UBE2E1: variants seen among roughly 807,000 people sequenced by gnomAD.
The protein encoded by UBE2E1 is ubiquitin conjugating enzyme E2 E1, also known as ubiquitin-conjugating enzyme E2 E1.
A neutral mutation model predicts 21.4 loss-of-function variants in UBE2E1; 6 were observed. That is an observed-to-expected ratio of 0.28 (90% confidence interval 0.15 to 0.55). The LOEUF is 0.55. Among genes scored for constraint, UBE2E1 ranks in the 20% least tolerant of loss-of-function variants. The probability of loss-of-function intolerance (pLI) is 0.93; values close to 1 mark genes in which losing one functional copy is unlikely to be tolerated. For synonymous variants in UBE2E1, 87 were observed against 82.7 expected, an observed-to-expected ratio of 1.05 and a Z score of -0.28; for missense variants, 142 against 236.5, an observed-to-expected ratio of 0.60 and a Z score of 2.62.
At chr3:23,837,689 C>T (rs936642854) in intron 3 of UBE2E1, among the ~76,000 whole-genome samples, 1 of 152,154 alleles carries the variant, frequency 6.6e-6, no homozygotes, top group Non-Finnish European at 1.5e-5. Flanking sequence ...CTTTGGTTGG[C>T]TGATTGGTTT....
At chr3:23,813,658 C>T (rs1326371694) in intron 3 of UBE2E1, among the ~76,000 whole-genome samples, 1 of 152,100 alleles carries the variant, frequency 6.6e-6, no homozygotes, top group Non-Finnish European at 1.5e-5. Flanking sequence ...AAGCAATTCT[C>T]CTGCCTCCTG....
rs1257534619 is a variant in UBE2E1, at chr3:23,887,102, T to C, written c.204-465T>C. ...CATTATAAACCATCTATTAGATTCT[T>C]TTAAAGGTGAGATTATGGAGATAGA... On this transcript the variant is annotated intron_variant, in intron 3 of 5. Coordinates refer to ENST00000306627, the MANE Select transcript of UBE2E1 (RefSeq NM_003341.5). This position sits in a 1 kb window ranked among gnomAD's most constrained non-coding sequence, Gnocchi z 4.4. Among the ~76,000 whole-genome samples the C allele has an allele frequency of 2.0e-5, 3 of 152,186 alleles. No homozygotes were observed. Among genetic ancestry groups the C allele is most frequent in the Non-Finnish European group, 4.4e-5 (3 of 68,034 alleles).
Position 23,842,198 on chromosome 3 carries a change from G to GGGGGTGT in UBE2E1, c.203+30689_203+30690insGGGTGTG, listed in dbSNP as rs1553637704. On this transcript the variant is annotated intron_variant, in intron 3 of 5. Coordinates refer to ENST00000306627, the MANE Select transcript of UBE2E1 (RefSeq NM_003341.5). The surrounding 1 kb of genome is among the most constrained non-coding windows in gnomAD (Gnocchi z 4.6). ...TATGTCATGACCCAGTAAGTGAAGG[G>GGGGGTGT]GTGTGTGTGTGTGTGTGTGTGTGTG... is the stretch of plus-strand genomic sequence containing the variant. Among the ~76,000 whole-genome samples, 12 of 104,358 alleles carry GGGGGTGT rather than the reference G, an allele frequency of 1.1e-4. No individual in the cohort carries two copies. Among genetic ancestry groups the GGGGGTGT allele is most frequent in the African/African-American group, 4.0e-4 (11 of 27,702 alleles). 68.5% of individuals were successfully genotyped at this position (104,358 alleles called of 152,430 possible).
intron 3 of UBE2E1, among the ~76,000 whole-genome samples, chr3:23,817,689 A>G (rs1031789729): frequency 6.6e-6 from 1 of 152,108 alleles, no homozygotes; most frequent in Non-Finnish European, 1.5e-5. Flanking sequence ...GTGGGGAAGA[A>G]TAAGGGATAT....
At chr3:23,846,400 T>C (rs1700203878) in intron 3 of UBE2E1, among the ~76,000 whole-genome samples, 1 of 151,618 alleles carries the variant, frequency 6.6e-6, no homozygotes, top group Non-Finnish European at 1.5e-5. Flanking sequence ...CACAGTCTCT[T>C]AAAAAAGAGA....
chr3:23,844,631 T>C (rs1700159595), intron 3 of UBE2E1, among the ~76,000 whole-genome samples: 1 of 152,204 alleles, frequency 6.6e-6, no homozygotes, highest in Non-Finnish European at 1.5e-5. Context: ...TTCCCCAGAA[T>C]GGCTGTACTC....
At chr3:23,840,354 A>G (rs940350834) in intron 3 of UBE2E1, among the ~76,000 whole-genome samples, 1 of 152,210 alleles carries the variant, frequency 6.6e-6, no homozygotes, top group African/African-American at 2.4e-5. Context: ...TGGATACCAA[A>G]CATTGTGAAT....
intron 3 of UBE2E1, among the ~76,000 whole-genome samples, chr3:23,865,529 A>AT (rs1428915924): frequency 2.0e-5 from 3 of 151,834 alleles, no homozygotes; most frequent in South Asian, 2.1e-4. Flanking sequence ...TGTGTTTTGT[A>AT]TTTTTTTAGA....
intron 3 of UBE2E1, among the ~76,000 whole-genome samples, chr3:23,841,524 A>C (rs1178905269): frequency 6.6e-6 from 1 of 152,206 alleles, no homozygotes; most frequent in African/African-American, 2.4e-5. Flanking sequence ...TTGGACTTGT[A>C]ATGGCCGCAT....
At chr3:23,857,231 G>A (rs1700462171) in intron 3 of UBE2E1, among the ~76,000 whole-genome samples, 1 of 151,894 alleles carries the variant, frequency 6.6e-6, no homozygotes, top group African/African-American at 2.4e-5. Context: ...TCAGGAGTAT[G>A]TTTTAGAGTC....
In UBE2E1 at chr3:23,842,198, G is replaced by GTGTGTGTGTGTGTGTGTGT. The variant is rs1553637705; in HGVS notation, c.203+30688_203+30689insTGTGTGTGTGTGTGTGTGT. Reference sequence around the variant, plus strand: ...TATGTCATGACCCAGTAAGTGAAGGGGTGTGTGTGTGTGTGTGTGTGTGTG... The same window carrying GTGTGTGTGTGTGTGTGTGT: ...TATGTCATGACCCAGTAAGTGAAGGGTGTGTGTGTGTGTGTGTGTGTGTGTGTGTGTGTGTGTGTGTGTG... On this transcript the variant is annotated intron_variant, in intron 3 of 5. Coordinates refer to ENST00000306627, the MANE Select transcript of UBE2E1 (RefSeq NM_003341.5). This position sits in a 1 kb window ranked among gnomAD's most constrained non-coding sequence, Gnocchi z 4.6. Among the ~76,000 whole-genome samples the GTGTGTGTGTGTGTGTGTGT allele has an allele frequency of 1.3e-3, 136 of 104,354 alleles. 3 individuals are homozygous for GTGTGTGTGTGTGTGTGTGT. The highest frequency in any genetic ancestry group is 5.7e-3 in the Middle Eastern group (1 of 174). 68.5% of individuals were successfully genotyped at this position (104,354 alleles called of 152,430 possible).
At chr3:23,832,742 GA>G (rs1304245342) in intron 3 of UBE2E1, among the ~76,000 whole-genome samples, 1 of 152,050 alleles carries the variant, frequency 6.6e-6, no homozygotes. Context: ...CTCAAAAAAA[GA>G]AAAATACAGG....
rs923221362 is a variant in UBE2E1, at chr3:23,863,749, C to G, written c.204-23818C>G. Among the ~76,000 whole-genome samples the G allele has an allele frequency of 2.0e-5, 3 of 152,062 alleles. No individual in the cohort carries two copies. Among genetic ancestry groups the G allele is most frequent in the Non-Finnish European group, 4.4e-5 (3 of 68,018 alleles). The stretch of plus-strand genomic sequence containing the variant: ...TTCTCCATGTTGGTCAGGCTGGTCT[C>G]AAACTCCCGATCTCAGGTCATCCAC... On this transcript the variant is annotated intron_variant, in intron 3 of 5. Coordinates refer to ENST00000306627, the MANE Select transcript of UBE2E1 (RefSeq NM_003341.5). This position sits in a 1 kb window ranked among gnomAD's most constrained non-coding sequence, Gnocchi z 4.3.
At chr3:23,888,623 G>GA (rs1322446660) in intron 4 of UBE2E1, among the ~76,000 whole-genome samples, 2 of 152,158 alleles carry the variant, frequency 1.3e-5, no homozygotes, top group African/African-American at 2.4e-5. Flanking sequence ...GTAACGGTCA[G>GA]AAAAAAGCAG....
intron 3 of UBE2E1, among the ~76,000 whole-genome samples, chr3:23,813,593 A>G (rs1699448201): frequency 6.6e-6 from 1 of 151,912 alleles, no homozygotes; most frequent in African/African-American, 2.4e-5. Context: ...CCCAGGCTGG[A>G]GTGCAGTGGC....
At chr3:23,888,067 A>T (rs1198170318) in intron 4 of UBE2E1, among the ~76,000 whole-genome samples, 2 of 152,138 alleles carry the variant, frequency 1.3e-5, no homozygotes, top group Non-Finnish European at 2.9e-5. Flanking sequence ...GCTACTTGGG[A>T]GGATTGTTTG....
chr3:23,811,399 G>A (rs1465487824), intron 2 of UBE2E1, 61 bp from the exon 3 acceptor site: 4 of 1,545,432 alleles, frequency 2.6e-6, no homozygotes, highest in Non-Finnish European at 2.7e-6. Context: ...CACGCTACAG[G>A]TGGGAGGCTT....
At chr3:23,838,081 T>G (rs889200741) in intron 3 of UBE2E1, among the ~76,000 whole-genome samples, 2 of 152,130 alleles carry the variant, frequency 1.3e-5, no homozygotes, top group Non-Finnish European at 2.9e-5. Context: ...ATTTTATTTT[T>G]TTTTGAGACA....
chr3:23,850,681 GTTTTTTT>G, intron 3 of UBE2E1, among the ~76,000 whole-genome samples: 1 of 104,312 alleles, frequency 9.6e-6, no homozygotes, highest in African/African-American at 3.6e-5. Flanking sequence ...ACACCTGATT[GTTTTTTT>G]TTTTTTTTTT....
Sources: allele counts gnomAD v4.1 joint callset (sites outside exome capture counted in the v4.1 genomes callset), GRCh38; gene constraint gnomAD v4.1.1; non-coding constraint Gnocchi (gnomAD v3.1); transcripts MANE v1.5; gene names NCBI Gene and HGNC (gene_info 2026-07-23, HGNC 2026-07-21).